Variants in CNTNAP2 observed in about 807,000 individuals in gnomAD.
CNTNAP2 encodes the protein contactin associated protein 2, also known as contactin-associated protein-like 2.
A neutral mutation model predicts 155.2 loss-of-function variants in CNTNAP2; 98 were observed. That is an observed-to-expected ratio of 0.63 (90% CI 0.54 to 0.75). The LOEUF is 0.75. Ranked by LOEUF, CNTNAP2 falls within the 30% of genes least tolerant of loss-of-function variation. CNTNAP2 has a pLI of 0.00. For missense variants in CNTNAP2, 1,727 were observed against 1,688.1 expected (o/e 1.02, Z -0.40); for synonymous variants, 651 against 631.2 (o/e 1.03, Z -0.47).
At chr7:146,217,473 T>G (rs1799132065) in intron 1 of CNTNAP2, among the ~76,000 whole-genome samples, 1 of 152,170 alleles carries the variant, frequency 6.6e-6, no homozygotes, top group Non-Finnish European at 1.5e-5. Flanking sequence ...ACCTAGGTAA[T>G]AAACATAGTA....
At chr7:146,760,829 A>G (rs1001902352) in intron 1 of CNTNAP2, among the ~76,000 whole-genome samples, 1 of 152,152 alleles carries the variant, frequency 6.6e-6, no homozygotes, top group African/African-American at 2.4e-5. Flanking sequence ...TCTAAAATAT[A>G]GATATAACCA....
intron 8 of CNTNAP2, among the ~76,000 whole-genome samples, chr7:147,245,314 G>A (rs1230516669): frequency 1.3e-5 from 2 of 151,994 alleles, no homozygotes; most frequent in African/African-American, 4.8e-5. Context: ...TCTAGAGAAT[G>A]CATTGTGCAC....
chr7:146,772,881 T>C (rs1168258187), intron 1 of CNTNAP2, among the ~76,000 whole-genome samples: 1 of 152,144 alleles, frequency 6.6e-6, no homozygotes, highest in East Asian at 1.9e-4. Context: ...ACAAGTTCAC[T>C]TACAGTTTGA....
intron 13 of CNTNAP2, among the ~76,000 whole-genome samples, chr7:147,783,145 A>G (rs1797683694): frequency 6.6e-6 from 1 of 152,214 alleles, no homozygotes; most frequent in Admixed American, 6.5e-5. Flanking sequence ...AATAATGCAT[A>G]ATGTTGGAAA....
chr7:146,993,611 C>T (rs1012921631), intron 3 of CNTNAP2, among the ~76,000 whole-genome samples: 1 of 152,092 alleles, frequency 6.6e-6, no homozygotes, highest in Admixed American at 6.6e-5. Context: ...TGGTGGAGAG[C>T]AGGGAGAGCT....
At chr7:146,915,615 G>C (rs748952565) in intron 3 of CNTNAP2, among the ~76,000 whole-genome samples, 2 of 151,936 alleles carry the variant, frequency 1.3e-5, no homozygotes, top group Non-Finnish European at 2.9e-5. Flanking sequence ...TTCTTGATTT[G>C]ATTCTCAGTT....
intron 18 of CNTNAP2, among the ~76,000 whole-genome samples, chr7:148,216,332 G>T (rs1306212484): frequency 6.6e-6 from 1 of 152,188 alleles, no homozygotes. Flanking sequence ...CTTCATAGAT[G>T]AAATACCAAG....
intron 1 of CNTNAP2, among the ~76,000 whole-genome samples, chr7:146,641,989 A>G (rs1799716342): frequency 6.6e-6 from 1 of 152,170 alleles, no homozygotes; most frequent in African/African-American, 2.4e-5. Context: ...AGAAAAGAAC[A>G]TGAAACAAAA....
At chr7:147,342,470 T>A (rs1472097391) in intron 9 of CNTNAP2, among the ~76,000 whole-genome samples, 1 of 152,188 alleles carries the variant, frequency 6.6e-6, no homozygotes, top group Admixed American at 6.6e-5. Context: ...TCACATACAT[T>A]ATCTGATTTT....
chr7:147,058,850 C>T (rs910909389), intron 4 of CNTNAP2, among the ~76,000 whole-genome samples: 8 of 152,232 alleles, frequency 5.3e-5, no homozygotes, highest in Non-Finnish European at 7.3e-5. Context: ...CGTGATCCAC[C>T]TGCCTTGGCC....
At chr7:148,381,038 C>G (rs1382844065) in intron 21 of CNTNAP2, among the ~76,000 whole-genome samples, 1 of 152,256 alleles carries the variant, frequency 6.6e-6, no homozygotes, top group Non-Finnish European at 1.5e-5. Context: ...GTGCTCCACC[C>G]CTTGCAGGGG....
intron 3 of CNTNAP2, among the ~76,000 whole-genome samples, chr7:146,920,666 T>C (rs1236367415): frequency 6.6e-6 from 1 of 152,154 alleles, no homozygotes; most frequent in Non-Finnish European, 1.5e-5. Flanking sequence ...AAAATTGTAA[T>C]AAAAATAAAA....
chr7:146,638,283 T>A (rs1799632829), intron 1 of CNTNAP2, among the ~76,000 whole-genome samples: 1 of 152,084 alleles, frequency 6.6e-6, no homozygotes, highest in African/African-American at 2.4e-5. Flanking sequence ...AGTGTTCAGT[T>A]CCTTGAGGCT....
chr7:147,995,303 T>C (rs531695656), intron 15 of CNTNAP2, among the ~76,000 whole-genome samples: 86 of 152,278 alleles, frequency 5.6e-4, no homozygotes, highest in Non-Finnish European at 1.0e-3. Context: ...AAATCTAACT[T>C]GGTGGGCCAG....
intron 8 of CNTNAP2, among the ~76,000 whole-genome samples, chr7:147,273,565 G>A (rs1804811013): frequency 6.6e-6 from 1 of 151,920 alleles, no homozygotes; most frequent in African/African-American, 2.4e-5. Context: ...ATATGTTCAT[G>A]TGTGTCTATT....
At chr7:148,337,735 A>G (rs915097625) in intron 21 of CNTNAP2, among the ~76,000 whole-genome samples, 3 of 152,206 alleles carry the variant, frequency 2.0e-5, no homozygotes, top group Non-Finnish European at 4.4e-5. Flanking sequence ...GCCCTGCGCC[A>G]TGCAGAGTAT....
intron 3 of CNTNAP2, among the ~76,000 whole-genome samples, chr7:147,041,638 A>C (rs1310713498): frequency 6.6e-6 from 1 of 152,316 alleles, no homozygotes; most frequent in Non-Finnish European, 1.5e-5. Flanking sequence ...TACGTAATGC[A>C]CTTCCATAGT....
At chr7:147,317,794 G>GTATATATA (rs71182192) in intron 9 of CNTNAP2, among the ~76,000 whole-genome samples, 130 of 65,510 alleles carry the variant, frequency 2.0e-3, no homozygotes, top group African/African-American at 9.2e-3. Context: ...GTGTGTGTGT[G>GTATATATA]TGTGTATATG....
chr7:146,262,365 G>C (rs1421014464), intron 1 of CNTNAP2, among the ~76,000 whole-genome samples: 1 of 152,004 alleles, frequency 6.6e-6, no homozygotes, highest in East Asian at 1.9e-4. Context: ...TTACTTATCT[G>C]ACATTTTTTC....
Sources: allele counts gnomAD v4.1 joint callset (sites outside exome capture counted in the v4.1 genomes callset), GRCh38; gene constraint gnomAD v4.1.1; transcripts MANE v1.5; gene names NCBI Gene and HGNC (gene_info 2026-07-23, HGNC 2026-07-21).